EBF2: variants seen among roughly 807,000 people sequenced by gnomAD.
EBF2 encodes the protein EBF transcription factor 2.
A neutral mutation model predicts 72.8 loss-of-function variants in EBF2; 21 were observed. The ratio of observed to expected loss-of-function variants is 0.29; its 90% CI spans 0.20 to 0.42. The LOEUF (loss-of-function observed/expected upper bound fraction) is 0.42. Ranked by LOEUF, EBF2 falls within the 10% of genes least tolerant of loss-of-function variation. The pLI is 1.00. For synonymous variants in EBF2, 299 were observed against 274.2 expected (o/e 1.09, Z -0.89); for missense variants, 637 against 731.2 (o/e 0.87, Z 1.49).
rs532804312 is a variant in EBF2, at chr8:25,949,389, T to A, written c.552-40834A>T. ...ATCATTTTTTAAAAATTTTGTTATA[T>A]TTAACATAGGTCCTCTTTTGGTTTG... is the stretch of plus-strand genomic sequence containing the variant. On this transcript the variant is annotated intron_variant, in intron 6 of 15. Coordinates refer to ENST00000520164, the MANE Select transcript of EBF2 (RefSeq NM_022659.4). Among the ~76,000 whole-genome samples, 7 of 152,320 alleles carry A rather than the reference T, an allele frequency of 4.6e-5. No homozygotes were observed. The South Asian group carries it at 1.5e-3, about 32-fold the overall frequency.
At chr8:25,847,942 G>A (rs992005299) in intron 15 of EBF2, among the ~76,000 whole-genome samples, 8 of 152,058 alleles carry the variant, frequency 5.3e-5, no homozygotes, top group Middle Eastern at 3.4e-3. Context: ...AAGGTAACTC[G>A]TGCGCCGAAA....
chr8:25,861,181 T>C lies in EBF2; in HGVS notation c.1210A>G (p.Ser404Gly), dbSNP rs1802205839. 1.9e-6 allele frequency: 3 copies of C among 1,613,808 alleles called. No individual in the cohort carries two copies. Among genetic ancestry groups the C allele is most frequent in the Admixed American group, 1.7e-5 (1 of 59,960 alleles). ...AGCTGGCTGGGATTCCTGGGGACGC[T>C]GTAGAGAGCTTCAGCAATGTCTGCG... ...RAADIAEALY[S>G]VPRNPSQLPA... The change falls in exon 13 of 16, where the codon AGC becomes GGC. Residue 404 changes from serine (S) to glycine (G), a missense_variant. Around this residue, in one of 3 missense-constraint regions of EBF2, gnomAD observed 259 missense variants for 268.1 expected, o/e 0.97. Transcript: ENST00000520164.
At chr8:25,964,579 G>A (rs1441783892) in intron 6 of EBF2, among the ~76,000 whole-genome samples, 1 of 152,172 alleles carries the variant, frequency 6.6e-6, no homozygotes, top group Non-Finnish European at 1.5e-5. Context: ...CATGTTTAAT[G>A]GGAGCGCCAC....
chr8:25,946,401 G>A (rs1431385886), intron 6 of EBF2, among the ~76,000 whole-genome samples: 1 of 152,216 alleles, frequency 6.6e-6, no homozygotes, highest in African/African-American at 2.4e-5. Flanking sequence ...TGCTGAGAGT[G>A]AAGTGACTGA....
At position 25,843,874 on chromosome 8, in the gene EBF2, C is replaced by T. The variant is rs1198339335; in HGVS notation, c.*735G>A. 1 of 152,006 alleles carries T rather than the reference C, an allele frequency of 6.6e-6. No homozygotes were observed. The highest frequency in any genetic ancestry group is 1.5e-5 in the Non-Finnish European group (1 of 68,014). 9.4% of individuals were successfully genotyped at this position (152,006 alleles called of 1,614,324 possible). On this transcript the variant is annotated 3_prime_UTR_variant, in exon 16 of 16. Coordinates refer to ENST00000520164, the MANE Select transcript of EBF2 (RefSeq NM_022659.4). ...GGGATAAGAATCTAGTAAGTAACTG[C>T]AGTAATAATCACACACCTTTAAAAC...
chr8:25,946,131 C>T (rs1177942062), intron 6 of EBF2, among the ~76,000 whole-genome samples: 2 of 152,200 alleles, frequency 1.3e-5, no homozygotes, highest in Admixed American at 6.5e-5. Context: ...TAGAATCTCC[C>T]GTTAAAGCTC....
rs578166632 is a variant in EBF2, at chr8:25,842,917, C to T, written c.*1692G>A. The T allele has an allele frequency of 6.6e-6, 1 of 152,154 alleles. No homozygotes were observed. The highest frequency in any genetic ancestry group is 2.1e-4 in the South Asian group (1 of 4,826). 9.4% of individuals were successfully genotyped at this position (152,154 alleles called of 1,614,324 possible). A position where few individuals can be genotyped will look rare whatever the true frequency, so the allele number is the denominator to read the frequency against. Reference sequence around the variant, plus strand: ...AATGCTGAAATCCCAACCAAGAACCCCAAACTAAGTCTGTGTATAGACTCT... The same window carrying T: ...AATGCTGAAATCCCAACCAAGAACCTCAAACTAAGTCTGTGTATAGACTCT... On this transcript the variant is annotated 3_prime_UTR_variant, in exon 16 of 16. Transcript: ENST00000520164.
intron 6 of EBF2, among the ~76,000 whole-genome samples, chr8:26,001,082 C>G (rs1485726517): frequency 2.0e-5 from 3 of 152,284 alleles, no homozygotes; most frequent in East Asian, 3.9e-4. Context: ...TTTGGGGTAC[C>G]TAAAAAGATG....
chr8:25,860,566 G>A (rs535511470), intron 13 of EBF2, among the ~76,000 whole-genome samples: 3 of 149,784 alleles, frequency 2.0e-5, no homozygotes, highest in Admixed American at 6.7e-5. Flanking sequence ...AGGCAGCCTC[G>A]GCTCATTTGC....
At chr8:25,881,850 A>G (rs1585273946) in intron 10 of EBF2, among the ~76,000 whole-genome samples, 1 of 152,200 alleles carries the variant, frequency 6.6e-6, no homozygotes, top group South Asian at 2.1e-4. Context: ...CCGGCGGGCC[A>G]CTGACCGGCA....
At chr8:25,927,052 C>T (rs920275031) in intron 6 of EBF2, among the ~76,000 whole-genome samples, 8 of 152,170 alleles carry the variant, frequency 5.3e-5, no homozygotes, top group Admixed American at 3.3e-4. Flanking sequence ...AGGTGTTACA[C>T]TGAAGGTACA....
intron 5 of EBF2, among the ~76,000 whole-genome samples, chr8:26,034,474 G>C (rs1468824878): frequency 1.3e-5 from 2 of 152,204 alleles, no homozygotes; most frequent in African/African-American, 2.4e-5. Context: ...ACAACAAACA[G>C]AAAGTACTCC....
intron 6 of EBF2, among the ~76,000 whole-genome samples, chr8:25,913,992 G>A (rs1440058045): frequency 6.6e-6 from 1 of 152,176 alleles, no homozygotes; most frequent in Non-Finnish European, 1.5e-5. Context: ...TGCAATACAG[G>A]GACAGGCTGG....
At chr8:26,026,626 C>T (rs569394081) in intron 6 of EBF2, among the ~76,000 whole-genome samples, 12 of 152,182 alleles carry the variant, frequency 7.9e-5, no homozygotes, top group Non-Finnish European at 1.3e-4. Flanking sequence ...ATGTGACTCA[C>T]ACAATCTCAA....
intron 10 of EBF2, among the ~76,000 whole-genome samples, chr8:25,867,760 T>C (rs1802359562): frequency 6.6e-6 from 1 of 152,184 alleles, no homozygotes; most frequent in South Asian, 2.1e-4. Flanking sequence ...ACTTAGATGG[T>C]CCATAGATTC....
chr8:25,935,553 A>G (rs1803564981), intron 6 of EBF2, among the ~76,000 whole-genome samples: 1 of 152,144 alleles, frequency 6.6e-6, no homozygotes, highest in Admixed American at 6.5e-5. Flanking sequence ...GTGTGTAGGG[A>G]TTCCACCCTA....
At chr8:25,902,113 A>G (rs1236962457) in intron 7 of EBF2, among the ~76,000 whole-genome samples, 1 of 152,176 alleles carries the variant, frequency 6.6e-6, no homozygotes, top group Non-Finnish European at 1.5e-5. Flanking sequence ...ATTAGCAACA[A>G]TAAGCTCTAA....
In EBF2 at chr8:25,906,189, A is replaced by G. The variant is rs147023154; in HGVS notation, c.633+2285T>C. ...GAAGCCTCTTCACATTTACAAGAGT[A>G]TCCTCAAATTCTCAAATTTAAAACT... is the stretch of plus-strand genomic sequence containing the variant. On this transcript the variant is annotated intron_variant, in intron 7 of 15. Coordinates refer to ENST00000520164, the MANE Select transcript of EBF2 (RefSeq NM_022659.4). Among the ~76,000 whole-genome samples the G allele has an allele frequency of 5.9e-3, 897 of 152,320 alleles. 5 individuals are homozygous for G. Among genetic ancestry groups the G allele is most frequent in the African/African-American group, 0.02 (835 of 41,568 alleles).
chr8:25,870,328 G>C (rs1157590073), intron 10 of EBF2, among the ~76,000 whole-genome samples: 3 of 151,908 alleles, frequency 2.0e-5, no homozygotes, highest in Non-Finnish European at 4.4e-5. Context: ...TTATTGATAT[G>C]GGTACACTCA....
Sources: gnomAD v4.1 joint callset for allele counts (sites outside exome capture counted in the v4.1 genomes callset) on GRCh38, gnomAD v4.1.1 for gene constraint, gnomAD v4.1.1 regional missense constraint, MANE v1.5 for transcripts, NCBI Gene and HGNC (gene_info 2026-07-23, HGNC 2026-07-21) for gene names.